Variants in KBTBD11 observed in about 807,000 individuals in gnomAD.
The protein encoded by KBTBD11 is kelch repeat and BTB domain-containing protein 11.
For synonymous variants in KBTBD11, 747 were observed against 499.0 expected (o/e 1.50, Z -6.63); for missense variants, 1,390 against 1,001.8 (o/e 1.39, Z -5.23).
intron 1 of KBTBD11, among the ~76,000 whole-genome samples, chr8:1,993,960 A>ACACACACACACAC (rs1817037341): frequency 1.4e-5 from 1 of 71,742 alleles, no homozygotes; most frequent in Non-Finnish European, 3.6e-5. Flanking sequence ...CACACACACA[A>ACACACACACACAC]AACCCCATAG....
chr8:1,989,853 C>A (rs915001067), intron 1 of KBTBD11, among the ~76,000 whole-genome samples: 1 of 151,126 alleles, frequency 6.6e-6, no homozygotes, highest in East Asian at 2.0e-4. Context: ...AACTTGTGAC[C>A]AGCAGGGGTG....
In KBTBD11 at chr8:1,973,884, C is replaced by A; in HGVS notation, c.-960C>A. The A allele has an allele frequency of 2.0e-6, 2 of 982,936 alleles. No homozygotes were observed. The highest frequency in any genetic ancestry group is 2.4e-6 in the Non-Finnish European group (2 of 828,966). The allele number at this position is 982,936 out of a possible 1,614,324, so 60.9% of individuals were successfully genotyped here. A position where few individuals can be genotyped will look rare whatever the true frequency, so the allele number is the denominator to read the frequency against. On this transcript the variant is annotated 5_prime_UTR_variant, in exon 1 of 2. Transcript: ENST00000320248. ...GGCCGCGCGCATGCGCCGGAGCCCA[C>A]CCGCCTGGCTGCGCGTCCCGGGCCC...
In KBTBD11 at chr8:2,002,017, C is replaced by T. The variant is rs1448644413; in HGVS notation, c.825C>T (p.Arg275=). The change falls in exon 2 of 2, where the codon CGC becomes CGT. Residue 275 remains arginine, a synonymous_variant. Transcript: ENST00000320248. The surrounding 1 kb of genome is among the most constrained non-coding windows in gnomAD (Gnocchi z 4.1). ...EVLREPAVFG[R]LSGAERDLLL... ...TGCGCGAGCCCGCCGTGTTCGGCCG[C>T]CTGTCGGGCGCAGAGCGGGACCTGC... is the stretch of plus-strand genomic sequence containing the variant. The T allele has an allele frequency of 1.4e-6, 2 of 1,410,268 alleles. No homozygotes were observed. Among genetic ancestry groups the T allele is most frequent in the African/African-American group, 1.5e-5 (1 of 66,668 alleles). 87.4% of individuals were successfully genotyped at this position (1,410,268 alleles called of 1,614,324 possible). A position where few individuals can be genotyped will look rare whatever the true frequency, so the allele number is the denominator to read the frequency against.
rs1347929924 is a variant in KBTBD11 at position 2,001,090 on chromosome 8, G to T, written c.-103G>T. On this transcript the variant is annotated 5_prime_UTR_variant, in exon 2 of 2. Coordinates refer to ENST00000320248, the MANE Select transcript of KBTBD11 (RefSeq NM_014867.3). ...GAAGTGAAATCTGATCGCGTGCCAG[G>T]AAAAGCTGTGAGGCTGGAAACCCCG... 3 of 1,254,744 alleles carry T rather than the reference G, an allele frequency of 2.4e-6. No individual in the cohort carries two copies. The East Asian group carries it at 9.5e-5, about 40-fold the overall frequency. The allele number at this position is 1,254,744 out of a possible 1,614,324, so 77.7% of individuals were successfully genotyped here. A position where few individuals can be genotyped will look rare whatever the true frequency, so the allele number is the denominator to read the frequency against.
At chr8:1,984,770 TCTC>T (rs1816657135) in intron 1 of KBTBD11, among the ~76,000 whole-genome samples, 1 of 152,090 alleles carries the variant, frequency 6.6e-6, no homozygotes, top group South Asian at 2.1e-4. Context: ...TTTAGTGGCA[TCTC>T]CTGCAGTAAA....
At chr8:1,979,799 G>A (rs1435427370) in intron 1 of KBTBD11, among the ~76,000 whole-genome samples, 3 of 152,364 alleles carry the variant, frequency 2.0e-5, no homozygotes, top group Non-Finnish European at 4.4e-5. Flanking sequence ...AGTGCAGCTG[G>A]GTGCAGGTTG....
At chr8:1,981,501 G>C (rs1471945261) in intron 1 of KBTBD11, among the ~76,000 whole-genome samples, 1 of 152,154 alleles carries the variant, frequency 6.6e-6, no homozygotes. Flanking sequence ...TTAATTTCAA[G>C]GTGTCAACTT....
At chr8:1,993,416 TCCATCCAC>T (rs1224772887) in intron 1 of KBTBD11, among the ~76,000 whole-genome samples, 22 of 112,796 alleles carry the variant, frequency 2.0e-4, no homozygotes, top group Middle Eastern at 5.5e-3. Context: ...CATCCATCCA[TCCATCCAC>T]CCACCCACCC....
intron 1 of KBTBD11, among the ~76,000 whole-genome samples, chr8:1,989,831 C>G (rs1184627444): frequency 6.6e-6 from 1 of 151,568 alleles, no homozygotes; most frequent in Admixed American, 6.6e-5. Flanking sequence ...ATGGCTCTGA[C>G]TAAACCTCTT....
At position 2,002,497 on chromosome 8, in the gene KBTBD11, G is replaced by C; in HGVS notation, c.1305G>C (p.Trp435Cys). 1 of 1,509,814 alleles carries C rather than the reference G, an allele frequency of 6.6e-7. No individual in the cohort carries two copies. The highest frequency in any genetic ancestry group is 2.6e-5 in the East Asian group (1 of 38,810). 93.5% of individuals were successfully genotyped at this position (1,509,814 alleles called of 1,614,324 possible). ...GCTACGACCCGCGCGCCGACCGCTG[G>C]GCCCCCGTGGCGCCGCTGCCCCGGG... Reference protein sequence around the residue: ...VERYDPRADRWAPVAPLPRGA... With the variant: ...VERYDPRADRCAPVAPLPRGA... The change falls in exon 2 of 2, where the codon TGG becomes TGC. Residue 435 changes from tryptophan (W) to cysteine (C), a missense_variant. By Grantham distance (215) the Trp-to-Cys change is radical (BLOSUM62 -2). Coordinates refer to ENST00000320248, the MANE Select transcript of KBTBD11 (RefSeq NM_014867.3). The surrounding 1 kb of genome is among the most constrained non-coding windows in gnomAD (Gnocchi z 4.1).
intron 1 of KBTBD11, among the ~76,000 whole-genome samples, chr8:1,983,374 T>C (rs752498233): frequency 6.6e-6 from 1 of 152,230 alleles, no homozygotes; most frequent in Non-Finnish European, 1.5e-5. Context: ...CTCCTTTTCC[T>C]GAAGTCCTGT....
intron 1 of KBTBD11, among the ~76,000 whole-genome samples, chr8:1,981,643 G>A (rs191963319): frequency 6.6e-6 from 1 of 152,164 alleles, no homozygotes. Flanking sequence ...CCAATTGTCT[G>A]AGAGCCCAGA....
chr8:2,003,088 C>G lies in KBTBD11; in HGVS notation c.*24C>G. 1 of 1,259,590 alleles carries G rather than the reference C, an allele frequency of 7.9e-7. No homozygotes were observed. Among genetic ancestry groups the G allele is most frequent in the Non-Finnish European group, 1.0e-6 (1 of 998,922 alleles). 78.0% of individuals were successfully genotyped at this position (1,259,590 alleles called of 1,614,324 possible). The stretch of plus-strand genomic sequence containing the variant: ...AGGCCGGCGGGGTCGGCGGGCGTCT[C>G]CCTCGGCAGGGGTTTGCGGGGCCCA... On this transcript the variant is annotated 3_prime_UTR_variant, in exon 2 of 2. Transcript: ENST00000320248.
chr8:1,991,778 G>A lies in KBTBD11; in HGVS notation c.-908-8507G>A, dbSNP rs536497427. ...TGCCCACCGGTGAGTGGGCCTTCTC[G>A]TTTTAGGACGAGATCACTGAATGGA... is the stretch of plus-strand genomic sequence containing the variant. On this transcript the variant is annotated intron_variant, in intron 1 of 1. Transcript: ENST00000320248. Among the ~76,000 whole-genome samples, 98 of 152,012 alleles carry A rather than the reference G, an allele frequency of 6.4e-4. 4 individuals are homozygous for A. The highest frequency in any genetic ancestry group is 2.3e-3 in the African/African-American group (95 of 41,364).
Position 2,000,313 on chromosome 8 carries a change from A to G in KBTBD11, c.-880A>G, listed in dbSNP as rs1318619940. On this transcript the variant is annotated 5_prime_UTR_variant, in exon 2 of 2. Transcript: ENST00000320248. ...CAAGAGTGTGGTGAGAGGACGCGGA[A>G]ACACCTGATATCCCAGCAAAGGAAG... 2 of 152,226 alleles carry G rather than the reference A, an allele frequency of 1.3e-5. No homozygotes were observed. The highest frequency in any genetic ancestry group is 4.8e-5 in the African/African-American group (2 of 41,442). The allele number at this position is 152,226 out of a possible 1,614,324, so 9.4% of individuals were successfully genotyped here.
intron 1 of KBTBD11, among the ~76,000 whole-genome samples, chr8:1,998,656 A>G (rs1029675178): frequency 6.6e-6 from 1 of 152,206 alleles, no homozygotes; most frequent in African/African-American, 2.4e-5. Context: ...TGTCTTCTGT[A>G]TCTTACAGAA....
chr8:1,979,645 T>C (rs1816472729), intron 1 of KBTBD11, among the ~76,000 whole-genome samples: 1 of 152,122 alleles, frequency 6.6e-6, no homozygotes, highest in South Asian at 2.1e-4. Flanking sequence ...AAACCCTTCA[T>C]AGTGACATTT....
chr8:1,980,850 T>C (rs572645445), intron 1 of KBTBD11, among the ~76,000 whole-genome samples: 1 of 152,340 alleles, frequency 6.6e-6, no homozygotes, highest in South Asian at 2.1e-4. Flanking sequence ...AACAATCTGC[T>C]CAAGCTGAAT....
In KBTBD11 at chr8:1,984,815, A is replaced by G. The variant is rs563239043; in HGVS notation, c.-909+10880A>G. On this transcript the variant is annotated intron_variant, in intron 1 of 1. Transcript: ENST00000320248. ...TATCATTAAACGAAAGTGGCAGCCG[A>G]TCATTGGAAATGAAACCCCACTTTA... Among the ~76,000 whole-genome samples, 116 of 152,232 alleles carry G rather than the reference A, an allele frequency of 7.6e-4. 1 individual carries two copies. The Middle Eastern group carries it at 0.017, about 22-fold the overall frequency.
Sources: allele counts gnomAD v4.1 joint callset (sites outside exome capture counted in the v4.1 genomes callset), GRCh38; gene constraint gnomAD v4.1.1; non-coding constraint Gnocchi (gnomAD v3.1); transcripts MANE v1.5; gene names NCBI Gene and HGNC (gene_info 2026-07-23, HGNC 2026-07-21).